The following EMSY variants were observed in gnomAD, a reference collection of about 807,000 sequenced individuals.
EMSY encodes the protein EMSY transcriptional repressor, BRCA2 interacting, also known as BRCA2-interacting transcriptional repressor EMSY.
In EMSY, 26 loss-of-function variants were observed where a neutral mutation model predicts 134.6. The observed-to-expected ratio is 0.19, with a 90% CI of 0.14 to 0.27. EMSY has a LOEUF of 0.27. Among genes scored for constraint, EMSY ranks in the 10% least tolerant of loss-of-function variants. The probability of loss-of-function intolerance (pLI) is 1.00; values close to 1 mark genes in which losing one functional copy is unlikely to be tolerated. For synonymous variants in EMSY, 579 were observed against 577.8 expected, an observed-to-expected ratio of 1.00 and a Z score of -0.03; for missense variants, 1,305 against 1,611.4, an observed-to-expected ratio of 0.81 and a Z score of 3.26.
exon 21 of EMSY, chr11:76,551,348 A>G (rs1192586489): frequency 6.5e-6 from 1 of 152,754 alleles, no homozygotes; most frequent in African/African-American, 2.4e-5. Context: ...TAACGGTTTT[A>G]TATAGATTTC....
intron 6 of EMSY, among the ~76,000 whole-genome samples, chr11:76,462,238 CATAAATAA>C (rs558456923): frequency 5.3e-5 from 8 of 152,014 alleles, no homozygotes; most frequent in South Asian, 2.1e-4. Context: ...GACTCCATCT[CATAAATAA>C]ATAAATAAAT....
At chr11:76,491,521 A>G (rs745874922) in intron 8 of EMSY, among the ~76,000 whole-genome samples, 1 of 152,084 alleles carries the variant, frequency 6.6e-6, no homozygotes, top group Non-Finnish European at 1.5e-5. Flanking sequence ...ACCCCTTTGC[A>G]TGGATGCCTA....
rs555788956 is a variant in EMSY, at chr11:76,539,704, C to A, written c.2557+64C>A. The A allele has an allele frequency of 4.1e-5, 60 of 1,470,320 alleles. No individual in the cohort carries two copies. In the East Asian group the frequency reaches 1.3e-3, roughly 32 times the overall value. 91.1% of individuals were successfully genotyped at this position (1,470,320 alleles called of 1,614,324 possible). On this transcript the variant is annotated intron_variant, in intron 17 of 20. Coordinates refer to ENST00000334736, the Ensembl canonical transcript of EMSY. The stretch of plus-strand genomic sequence containing the variant: ...AAAAGATGATTGTTTTGGGGGGAAC[C>A]GCTTAAATGGATGCGCTCTACTCTC...
At chr11:76,508,697 C>T (rs1950168602) in intron 9 of EMSY, among the ~76,000 whole-genome samples, 1 of 152,222 alleles carries the variant, frequency 6.6e-6, no homozygotes. Context: ...TAGCCACCTT[C>T]ATCAATGATC....
At chr11:76,537,208 A>G (rs1294506267) in intron 15 of EMSY, among the ~76,000 whole-genome samples, 1 of 152,206 alleles carries the variant, frequency 6.6e-6, no homozygotes, top group Non-Finnish European at 1.5e-5. Flanking sequence ...CTATTAATGG[A>G]AATCATTCTT....
chr11:76,521,471 C>T (rs771885821), intron 11 of EMSY, among the ~76,000 whole-genome samples: 6 of 152,038 alleles, frequency 3.9e-5, no homozygotes, highest in African/African-American at 1.2e-4. Context: ...GGAGTTAAGA[C>T]GAGGAAACAG....
chr11:76,478,630 C>T (rs565635500), intron 8 of EMSY, among the ~76,000 whole-genome samples: 9 of 151,810 alleles, frequency 5.9e-5, no homozygotes, highest in South Asian at 2.1e-4. Context: ...TGTGAGCCAC[C>T]GCGCCCGGCC....
chr11:76,539,586 C>T lies in EMSY; in HGVS notation c.2516-13C>T, dbSNP rs2136630454. 6.2e-7 allele frequency: 1 copy of T among 1,613,468 alleles called. No homozygotes were observed. Among genetic ancestry groups the T allele is most frequent in the Non-Finnish European group, 8.5e-7 (1 of 1,179,438 alleles). ...GAAAAGACTATGATTTCTTCCCTTACTTATCCTTTCAGAACGCACTGATGA... is the reference window on the plus strand; with the variant it reads ...GAAAAGACTATGATTTCTTCCCTTATTTATCCTTTCAGAACGCACTGATGA... On this transcript the variant is annotated splice_polypyrimidine_tract_variant and intron_variant, in intron 16 of 20. Coordinates refer to ENST00000334736, the Ensembl canonical transcript of EMSY.
chr11:76,513,205 GAAAT>G (rs1950336975), intron 9 of EMSY, among the ~76,000 whole-genome samples, 177 bp from the exon 11 acceptor site: 1 of 151,974 alleles, frequency 6.6e-6, no homozygotes, highest in African/African-American at 2.4e-5. Context: ...TCTGAAATGA[GAAAT>G]AAACTAAGAA....
At position 76,499,733 on chromosome 11, in the gene EMSY, G is replaced by T. The variant is rs143162033; in HGVS notation, c.1363+3264G>T. On this transcript the variant is annotated intron_variant, in intron 9 of 20. Coordinates refer to ENST00000334736, the Ensembl canonical transcript of EMSY. ...CTTGCCTATTTGTAGTTTACTTGAA[G>T]AATTTTTAGGGTTTCATGTTGACTT... Among the ~76,000 whole-genome samples, 4 of 152,074 alleles carry T rather than the reference G, an allele frequency of 2.6e-5. No individual in the cohort carries two copies. The South Asian group carries it at 6.2e-4, about 24-fold the overall frequency.
chr11:76,489,461 T>C (rs1487863966), intron 8 of EMSY, among the ~76,000 whole-genome samples: 1 of 152,168 alleles, frequency 6.6e-6, no homozygotes, highest in Non-Finnish European at 1.5e-5. Context: ...TTGTGTCTTC[T>C]TGATGGATTA....
chr11:76,472,974 C>A, intron 8 of EMSY, 134 bp downstream of exon 9: 3 of 833,186 alleles, frequency 3.6e-6, no homozygotes, highest in Non-Finnish European at 5.5e-6. Context: ...CCCGTGTACC[C>A]CAGTTTGAGA....
chr11:76,476,390 T>C (rs1202237443), intron 8 of EMSY, among the ~76,000 whole-genome samples: 2 of 152,232 alleles, frequency 1.3e-5, no homozygotes, highest in Non-Finnish European at 2.9e-5. Context: ...CATTTTATCT[T>C]TATTTTCATT....
rs555485599 is a variant in EMSY, at chr11:76,503,098, C to T, written c.1363+6629C>T. Among the ~76,000 whole-genome samples, 16 of 151,990 alleles carry T rather than the reference C, an allele frequency of 1.1e-4. No individual in the cohort carries two copies. In the South Asian group the frequency reaches 2.1e-3, roughly 20 times the overall value. On this transcript the variant is annotated intron_variant, in intron 9 of 20. Coordinates refer to ENST00000334736, the Ensembl canonical transcript of EMSY. ...GGTGGACCACCTGAGGTCAGGATTT[C>T]GACATCAGACTGGCCAACATGGTGA...
In EMSY at chr11:76,463,834, A is replaced by C. The variant is rs758969353; in HGVS notation, c.585A>C (p.Ser195=). 1.9e-6 allele frequency: 3 copies of C among 1,614,214 alleles called. No individual in the cohort carries two copies. In the East Asian group the frequency reaches 6.7e-5, roughly 36 times the overall value. ...ATTGCCCTTCAGGTGTAAGCTGTTC[A>C]GATGAAGATGAAAAACCCAGAAAAC... The change falls in exon 7 of 21, where the codon TCA becomes TCC. Residue 195 remains serine (S), a synonymous_variant. Transcript: ENST00000334736.
At chr11:76,449,069 C>T (rs1240229188) in intron 2 of EMSY, among the ~76,000 whole-genome samples, 2 of 152,030 alleles carry the variant, frequency 1.3e-5, no homozygotes, top group Non-Finnish European at 2.9e-5. Flanking sequence ...ATTTAATGGA[C>T]CAAATTGAGG....
At chr11:76,489,853 C>T (rs562631890) in intron 8 of EMSY, among the ~76,000 whole-genome samples, 1 of 152,292 alleles carries the variant, frequency 6.6e-6, no homozygotes. Flanking sequence ...GATCCATCCA[C>T]CTCGGCCTCC....
rs1199157360 is a variant in EMSY at position 76,525,406 on chromosome 11, C to G, written c.1822-1056C>G. Among the ~76,000 whole-genome samples, 15 of 152,276 alleles carry G rather than the reference C, an allele frequency of 9.9e-5. 1 individual carries two copies. Among genetic ancestry groups the G allele is most frequent in the Non-Finnish European group, 1.9e-4 (13 of 68,016 alleles). Reference sequence around the variant, plus strand: ...CACAATGATTGCTTTTTAGCCAGCTCACGTGGGTGCTTTGTTTTTACTGGC... The same window carrying G: ...CACAATGATTGCTTTTTAGCCAGCTGACGTGGGTGCTTTGTTTTTACTGGC... On this transcript the variant is annotated intron_variant, in intron 12 of 20. Coordinates refer to ENST00000334736, the Ensembl canonical transcript of EMSY.
At chr11:76,467,863 A>G (rs1565286576) in intron 7 of EMSY, among the ~76,000 whole-genome samples, 1 of 151,800 alleles carries the variant, frequency 6.6e-6, no homozygotes, top group Non-Finnish European at 1.5e-5. Flanking sequence ...GTGGTGGCAC[A>G]TGCTACTCGG....
Sources: allele counts gnomAD v4.1 joint callset (sites outside exome capture counted in the v4.1 genomes callset), GRCh38; gene constraint gnomAD v4.1.1; transcripts MANE v1.5; gene names NCBI Gene and HGNC (gene_info 2026-07-23, HGNC 2026-07-21).